GRID2: variants seen among roughly 807,000 people sequenced by gnomAD.
GRID2 encodes the protein glutamate ionotropic receptor delta type subunit 2, also known as glutamate receptor ionotropic, delta-2.
A neutral mutation model predicts 114.8 loss-of-function variants in GRID2; 33 were observed. The observed-to-expected ratio is 0.29, with a 90% CI of 0.22 to 0.38. GRID2 has a LOEUF of 0.38. Among genes scored for constraint, GRID2 ranks in the 10% least tolerant of loss-of-function variants. The pLI is 1.00. For missense variants in GRID2, 1,184 were observed against 1,257.7 expected (o/e 0.94, Z 0.89); for synonymous variants, 505 against 449.9 (o/e 1.12, Z -1.55).
rs34331791 is a variant in GRID2, at chr4:93,042,625, C to CTATA, written c.245-42356_245-42353dup. Among the ~76,000 whole-genome samples the CTATA allele has an allele frequency of 1.3e-3, 181 of 135,958 alleles. 1 individual carries two copies. Among genetic ancestry groups the CTATA allele is most frequent in the Middle Eastern group, 8.5e-3 (2 of 234 alleles). The allele number at this position is 135,958 out of a possible 152,430, so 89.2% of individuals were successfully genotyped here. A position where few individuals can be genotyped will look rare whatever the true frequency, so the allele number is the denominator to read the frequency against. On this transcript the variant is annotated intron_variant, in intron 2 of 15. Coordinates refer to ENST00000282020, the MANE Select transcript of GRID2 (RefSeq NM_001510.4). Reference sequence around the variant, plus strand: ...ATGAATCTTTTCTCTCTCTCTCTCTCTATATATATATATATATTTCTATCT... The same window carrying CTATA: ...ATGAATCTTTTCTCTCTCTCTCTCTCTATATATATATATATATATATTTCTATCT...
At chr4:92,992,269 G>A (rs550137337) in intron 2 of GRID2, among the ~76,000 whole-genome samples, 1 of 152,138 alleles carries the variant, frequency 6.6e-6, no homozygotes, top group Middle Eastern at 3.4e-3. Flanking sequence ...TAGGTCAGAG[G>A]GGGGCATTAT....
At chr4:92,996,306 T>TA (rs199962054) in intron 2 of GRID2, among the ~76,000 whole-genome samples, 2 of 150,926 alleles carry the variant, frequency 1.3e-5, no homozygotes, top group South Asian at 2.1e-4. Context: ...AAAAAAAAAA[T>TA]AAAAAAAATA....
chr4:93,725,035 C>T (rs1729722403), intron 14 of GRID2, among the ~76,000 whole-genome samples: 1 of 151,924 alleles, frequency 6.6e-6, no homozygotes, highest in Non-Finnish European at 1.5e-5. Context: ...GCACAATGTG[C>T]AGGTTTGTTA....
intron 1 of GRID2, among the ~76,000 whole-genome samples, chr4:92,315,414 C>T (rs1163635386): frequency 6.6e-6 from 1 of 151,946 alleles, no homozygotes; most frequent in African/African-American, 2.4e-5. Context: ...CTGGCTGGAG[C>T]CTAGGAACTT....
chr4:92,621,397 AG>A (rs1411773556), intron 2 of GRID2, among the ~76,000 whole-genome samples: 1 of 151,778 alleles, frequency 6.6e-6, no homozygotes, highest in East Asian at 1.9e-4. Context: ...TGGGAAAAAA[AG>A]TTTAAAATTA....
At chr4:92,875,736 A>G (rs1560660074) in intron 2 of GRID2, among the ~76,000 whole-genome samples, 1 of 152,206 alleles carries the variant, frequency 6.6e-6, no homozygotes, top group African/African-American at 2.4e-5. Flanking sequence ...ATCCAGAGAA[A>G]TAAAATGAAT....
intron 8 of GRID2, among the ~76,000 whole-genome samples, chr4:93,349,271 A>G (rs1227379144): frequency 1.3e-5 from 2 of 152,122 alleles, no homozygotes; most frequent in African/African-American, 2.4e-5. Context: ...GTAGTTTGCC[A>G]TCTACTCCAT....
At chr4:93,429,079 G>T (rs1363743709) in intron 10 of GRID2, among the ~76,000 whole-genome samples, 2 of 152,218 alleles carry the variant, frequency 1.3e-5, no homozygotes, top group African/African-American at 4.8e-5. Context: ...TGCCCTAGCT[G>T]CTGGGATCAA....
intron 11 of GRID2, among the ~76,000 whole-genome samples, chr4:93,463,830 A>C (rs1056125974): frequency 2.3e-4 from 35 of 152,110 alleles, no homozygotes; most frequent in Non-Finnish European, 5.1e-4. Flanking sequence ...TCTACTAAAA[A>C]TACAAAAAAT....
intron 1 of GRID2, among the ~76,000 whole-genome samples, chr4:92,347,383 G>T (rs1299875933): frequency 6.6e-6 from 1 of 152,190 alleles, no homozygotes; most frequent in Non-Finnish European, 1.5e-5. Flanking sequence ...TTATTTGCTA[G>T]TGAGATAAAC....
intron 14 of GRID2, among the ~76,000 whole-genome samples, chr4:93,688,146 C>A (rs1272171669): frequency 6.6e-6 from 1 of 151,832 alleles, no homozygotes; most frequent in Non-Finnish European, 1.5e-5. Context: ...GGGATAGAGG[C>A]AGTCTCACAA....
chr4:93,619,006 G>A (rs1421972718), intron 13 of GRID2, among the ~76,000 whole-genome samples: 1 of 152,108 alleles, frequency 6.6e-6, no homozygotes, highest in East Asian at 1.9e-4. Context: ...AGATTTAGAG[G>A]TGGGCATAAC....
chr4:93,593,935 T>G (rs1050469738), intron 13 of GRID2, among the ~76,000 whole-genome samples: 1 of 151,752 alleles, frequency 6.6e-6, no homozygotes, highest in African/African-American at 2.4e-5. Flanking sequence ...TCTGTATTGG[T>G]TATTCTAGTT....
chr4:93,484,897 A>G (rs567576424), intron 11 of GRID2, among the ~76,000 whole-genome samples: 1 of 151,988 alleles, frequency 6.6e-6, no homozygotes, highest in African/African-American at 2.4e-5. Context: ...GCTTCTACAA[A>G]CATTTCTGTC....
chr4:92,848,203 A>T (rs1296707792), intron 2 of GRID2, among the ~76,000 whole-genome samples: 1 of 148,914 alleles, frequency 6.7e-6, no homozygotes, highest in Non-Finnish European at 1.5e-5. Context: ...AACAAACACA[A>T]TCACACATTC....
In GRID2 at chr4:92,889,536, A is replaced by G. The variant is rs527909299; in HGVS notation, c.245-195459A>G. ...CCCATTCATAATTGCTACAAAGAGA[A>G]TAAAATATCTAGGAATACAACTTAC... On this transcript the variant is annotated intron_variant, in intron 2 of 15. Transcript: ENST00000282020. Among the ~76,000 whole-genome samples the G allele has an allele frequency of 4.6e-5, 7 of 152,326 alleles. No homozygotes were observed. In the East Asian group the frequency reaches 1.3e-3, roughly 29 times the overall value.
chr4:92,898,960 T>G (rs959157432), intron 2 of GRID2, among the ~76,000 whole-genome samples: 6 of 152,030 alleles, frequency 3.9e-5, no homozygotes, highest in African/African-American at 1.4e-4. Context: ...TTACAAAGAG[T>G]TTTACACAAC....
chr4:93,286,530 C>T (rs559092019), intron 8 of GRID2, among the ~76,000 whole-genome samples: 5 of 152,054 alleles, frequency 3.3e-5, no homozygotes, highest in African/African-American at 1.2e-4. Context: ...TGGGAGCTTC[C>T]TTGCCATAAC....
rs543383429 is a variant in GRID2, at chr4:93,197,608, A to G, written c.736-9796A>G. 6.6e-5 allele frequency among the ~76,000 whole-genome samples: 10 copies of G among 152,302 alleles called. No individual in the cohort carries two copies. In the South Asian group the frequency reaches 1.9e-3, roughly 28 times the overall value. Reference sequence around the variant, plus strand: ...ACATGACCATTTATGAGTACTGTCAAAAGTATTACAGTAACTTGAGTGATT... The same window carrying G: ...ACATGACCATTTATGAGTACTGTCAGAAGTATTACAGTAACTTGAGTGATT... On this transcript the variant is annotated intron_variant, in intron 4 of 15. Coordinates refer to ENST00000282020, the MANE Select transcript of GRID2 (RefSeq NM_001510.4).
Sources: gnomAD v4.1 joint callset for allele counts (sites outside exome capture counted in the v4.1 genomes callset) on GRCh38, gnomAD v4.1.1 for gene constraint, MANE v1.5 for transcripts, NCBI Gene and HGNC (gene_info 2026-07-23, HGNC 2026-07-21) for gene names.